Variants in CERS6 observed in about 807,000 individuals in gnomAD.
The protein encoded by CERS6 is LAG1 homolog, ceramide synthase 6.
Under a neutral mutation model 56.8 loss-of-function variants are expected in CERS6, and 26 were observed. The observed-to-expected ratio is 0.46, with a 90% CI of 0.34 to 0.63. CERS6 has a LOEUF of 0.63. Among genes scored for constraint, CERS6 ranks in the 30% least tolerant of loss-of-function variants. CERS6 has a pLI of 0.01. For missense variants in CERS6, 415 were observed against 467.5 expected, an observed-to-expected ratio of 0.89 and a Z score of 1.04; for synonymous variants, 164 against 173.3, an observed-to-expected ratio of 0.95 and a Z score of 0.42.
intron 1 of CERS6, among the ~76,000 whole-genome samples, chr2:168,538,596 T>G (rs1695309385): frequency 6.6e-6 from 1 of 152,178 alleles, no homozygotes; most frequent in South Asian, 2.1e-4. Flanking sequence ...TCTCTAGCAC[T>G]TCTCACCATC....
chr2:168,527,247 C>G (rs959875953), intron 1 of CERS6, among the ~76,000 whole-genome samples: 7 of 152,164 alleles, frequency 4.6e-5, no homozygotes, highest in Admixed American at 1.3e-4. Context: ...AGGTTCACAT[C>G]AAGATTGAAT....
chr2:168,542,925 G>A (rs919849769), intron 1 of CERS6, among the ~76,000 whole-genome samples: 1 of 152,168 alleles, frequency 6.6e-6, no homozygotes, highest in Non-Finnish European at 1.5e-5. Context: ...TTGAACTCCT[G>A]GCCTCATGTG....
intron 1 of CERS6, among the ~76,000 whole-genome samples, chr2:168,478,406 G>A (rs1238245893): frequency 6.6e-6 from 1 of 152,160 alleles, no homozygotes; most frequent in Non-Finnish European, 1.5e-5. Context: ...TCCTTGTACA[G>A]ACTTTGGACC....
chr2:168,506,964 T>C (rs1190546076), intron 1 of CERS6, among the ~76,000 whole-genome samples: 1 of 152,198 alleles, frequency 6.6e-6, no homozygotes, highest in African/African-American at 2.4e-5. Flanking sequence ...AGTTGCCAAG[T>C]TGAACAAAGC....
At chr2:168,465,967 A>G (rs2105320609) in intron 1 of CERS6, among the ~76,000 whole-genome samples, 1 of 152,080 alleles carries the variant, frequency 6.6e-6, no homozygotes, top group Admixed American at 6.5e-5. Context: ...CTAGTTAGGA[A>G]CAAACATCCC....
chr2:168,575,814 G>C (rs997623464), intron 3 of CERS6, among the ~76,000 whole-genome samples: 2 of 151,906 alleles, frequency 1.3e-5, no homozygotes, highest in African/African-American at 4.8e-5. Context: ...TCACCCCTTG[G>C]CCTTTGCTCA....
intron 6 of CERS6, among the ~76,000 whole-genome samples, chr2:168,698,236 GAAAAAAAAAAAAAAAAAAGAAAAAAAA>G (rs201355417): frequency 8.0e-6 from 1 of 124,964 alleles, no homozygotes; most frequent in Non-Finnish European, 1.6e-5. Context: ...TGTCTCACAG[GAAAAAAAAAAAAAAAAAAGAAAAAAAA>G]AAAAAAAAAA....
chr2:168,687,905 TG>T (rs2105357627), intron 4 of CERS6, among the ~76,000 whole-genome samples: 1 of 152,268 alleles, frequency 6.6e-6, no homozygotes, highest in Admixed American at 6.5e-5. Context: ...GGTCCCACTG[TG>T]TTGCCCAGGC....
chr2:168,595,015 G>A (rs543015583), intron 3 of CERS6, among the ~76,000 whole-genome samples: 1 of 152,322 alleles, frequency 6.6e-6, no homozygotes, highest in East Asian at 1.9e-4. Context: ...TTTCAGGGCT[G>A]TGAGGATGCA....
intron 4 of CERS6, among the ~76,000 whole-genome samples, chr2:168,660,085 A>G (rs1685589949): frequency 6.6e-6 from 1 of 152,228 alleles, no homozygotes; most frequent in Admixed American, 6.5e-5. Context: ...TGGAATATAA[A>G]TGAAAATTCT....
chr2:168,505,417 A>G (rs372882313), intron 1 of CERS6, among the ~76,000 whole-genome samples: 2 of 151,284 alleles, frequency 1.3e-5, no homozygotes, highest in Non-Finnish European at 1.5e-5. Context: ...AAAAAGAAAT[A>G]TGAGCCTGAT....
chr2:168,635,007 A>G (rs911177098), intron 4 of CERS6, among the ~76,000 whole-genome samples: 1 of 152,212 alleles, frequency 6.6e-6, no homozygotes, highest in Non-Finnish European at 1.5e-5. Context: ...GAAAAAGTCT[A>G]TCTATGAAGA....
chr2:168,693,390 G>C (rs1287997132), intron 5 of CERS6, among the ~76,000 whole-genome samples: 1 of 152,140 alleles, frequency 6.6e-6, no homozygotes, highest in African/African-American at 2.4e-5. Flanking sequence ...GTGGTTTCCA[G>C]ATGCTCTCTG....
At chr2:168,564,300 G>A (rs917453357) in intron 3 of CERS6, among the ~76,000 whole-genome samples, 3 of 151,968 alleles carry the variant, frequency 2.0e-5, no homozygotes, top group Non-Finnish European at 2.9e-5. Flanking sequence ...TTATGCTTCC[G>A]TTTTGTCATA....
intron 3 of CERS6, among the ~76,000 whole-genome samples, chr2:168,609,687 T>C (rs1684137680): frequency 1.3e-5 from 2 of 152,112 alleles, no homozygotes; most frequent in African/African-American, 4.8e-5. Flanking sequence ...CTTGAGAGGA[T>C]TTGGACATTG....
chr2:168,585,519 C>T (rs1192269597), intron 3 of CERS6, among the ~76,000 whole-genome samples: 1 of 152,188 alleles, frequency 6.6e-6, no homozygotes, highest in African/African-American at 2.4e-5. Context: ...GCCAATTCTG[C>T]CTCAGTAAGA....
intron 1 of CERS6, among the ~76,000 whole-genome samples, chr2:168,486,519 G>GTTTTTTTTTTT (rs200121622): frequency 7.6e-6 from 1 of 130,974 alleles, no homozygotes; most frequent in Non-Finnish European, 1.6e-5. Context: ...TCTAGATTTG[G>GTTTTTTTTTTT]TTTTGTTTTT....
intron 1 of CERS6, among the ~76,000 whole-genome samples, chr2:168,490,834 T>C (rs1694357498): frequency 6.6e-6 from 1 of 151,438 alleles, no homozygotes; most frequent in Non-Finnish European, 1.5e-5. Context: ...AGAGAATATA[T>C]GATGATAGTG....
intron 8 of CERS6, among the ~76,000 whole-genome samples, chr2:168,728,575 T>TG (rs1196702651): frequency 1.3e-5 from 2 of 151,270 alleles, no homozygotes; most frequent in East Asian, 2.0e-4. Context: ...TTAGTAGAGA[T>TG]GGGGTTTCAC....
Sources: allele counts gnomAD v4.1 joint callset (sites outside exome capture counted in the v4.1 genomes callset), GRCh38; gene constraint gnomAD v4.1.1; transcripts MANE v1.5; gene names NCBI Gene and HGNC (gene_info 2026-07-23, HGNC 2026-07-21).